Variants in CNTNAP2 observed in about 807,000 individuals in gnomAD.
CNTNAP2 encodes the protein contactin-associated protein-like 2.
In CNTNAP2, 98 loss-of-function variants were observed where a neutral mutation model predicts 155.2. That is an observed-to-expected ratio of 0.63 (90% CI 0.54 to 0.75). The LOEUF is 0.75. CNTNAP2 is among the 30% of genes least tolerant of loss of function. The pLI, the probability that CNTNAP2 is intolerant of heterozygous loss-of-function variation, is 0.00. For synonymous variants in CNTNAP2, 651 were observed against 631.2 expected, an observed-to-expected ratio of 1.03 and a Z score of -0.47; for missense variants, 1,727 against 1,688.1, an observed-to-expected ratio of 1.02 and a Z score of -0.40.
chr7:146,499,346 G>A (rs1278787567), intron 1 of CNTNAP2, among the ~76,000 whole-genome samples: 1 of 151,972 alleles, frequency 6.6e-6, no homozygotes, highest in African/African-American at 2.4e-5. Context: ...ACACCTGGCT[G>A]ATTTTTGTAT....
intron 13 of CNTNAP2, among the ~76,000 whole-genome samples, chr7:147,758,778 G>A (rs997646778): frequency 5.1e-4 from 77 of 152,286 alleles, no homozygotes; most frequent in African/African-American, 1.8e-3. Context: ...CCAGGAGGCA[G>A]AGATTGCAGT....
At chr7:147,565,498 A>G (rs10270024) in intron 12 of CNTNAP2, among the ~76,000 whole-genome samples, 109,034 of 152,086 alleles carry the variant, frequency 0.72, 39,505 homozygotes, top group African/African-American at 0.81. Context: ...ACAGCATGAA[A>G]ACATTGGGAC....
chr7:147,102,107 A>G (rs1800668841), intron 4 of CNTNAP2, among the ~76,000 whole-genome samples: 1 of 152,154 alleles, frequency 6.6e-6, no homozygotes, highest in Non-Finnish European at 1.5e-5. Flanking sequence ...GATAGTACAT[A>G]TAAAAGTAAA....
chr7:146,777,154 G>C lies in CNTNAP2; in HGVS notation c.208+2773G>C, dbSNP rs141985848. ...ATATACTGGATTGTCATACATTAGG[G>C]TGAAATTATCACGTTGGGAAAGAAA... On this transcript the variant is annotated intron_variant, in intron 2 of 23. Transcript: ENST00000361727. Among the ~76,000 whole-genome samples the C allele has an allele frequency of 2.9e-3, 445 of 152,170 alleles. 5 individuals are homozygous for C. Among genetic ancestry groups the C allele is most frequent in the African/African-American group, 9.9e-3 (412 of 41,514 alleles).
intron 2 of CNTNAP2, among the ~76,000 whole-genome samples, chr7:146,828,419 A>G (rs1803448728): frequency 6.6e-6 from 1 of 152,064 alleles, no homozygotes; most frequent in Admixed American, 6.6e-5. Context: ...AACGCAGTCC[A>G]ATCTCTCAAA....
intron 15 of CNTNAP2, among the ~76,000 whole-genome samples, chr7:148,101,446 G>A (rs1234390793): frequency 6.6e-6 from 1 of 151,350 alleles, no homozygotes; most frequent in East Asian, 2.0e-4. Flanking sequence ...CAAGTGGATT[G>A]AAATCTGCAA....
At chr7:146,124,054 C>T (rs1797601062) in intron 1 of CNTNAP2, among the ~76,000 whole-genome samples, 1 of 152,038 alleles carries the variant, frequency 6.6e-6, no homozygotes, top group Non-Finnish European at 1.5e-5. Context: ...ATAATGAGAA[C>T]ACCTCAGCAC....
intron 8 of CNTNAP2, among the ~76,000 whole-genome samples, chr7:147,245,651 G>T (rs540388875): frequency 6.7e-6 from 1 of 149,354 alleles, no homozygotes; most frequent in Non-Finnish European, 1.5e-5. Flanking sequence ...GGCCAACCTG[G>T]TTGAAACCCC....
chr7:147,509,716 AG>A (rs1419188606), intron 11 of CNTNAP2, among the ~76,000 whole-genome samples: 4 of 151,956 alleles, frequency 2.6e-5, no homozygotes, highest in Admixed American at 6.6e-5. Context: ...GGGACAGAAA[AG>A]CTCTCTTCTG....
intron 2 of CNTNAP2, among the ~76,000 whole-genome samples, chr7:146,810,144 A>G (rs981276320): frequency 2.6e-5 from 4 of 152,290 alleles, no homozygotes; most frequent in Middle Eastern, 3.4e-3. Context: ...ATTATCAAAG[A>G]GTAGTTGATC....
intron 3 of CNTNAP2, among the ~76,000 whole-genome samples, chr7:146,933,885 A>T (rs997681393): frequency 2.6e-5 from 4 of 151,864 alleles, no homozygotes; most frequent in South Asian, 2.1e-4. Context: ...TCAAAACCAC[A>T]ATGAGATACC....
At chr7:147,376,046 T>C (rs1022842588) in intron 9 of CNTNAP2, among the ~76,000 whole-genome samples, 2 of 152,072 alleles carry the variant, frequency 1.3e-5, no homozygotes, top group Non-Finnish European at 2.9e-5. Flanking sequence ...GGAAGAAGTA[T>C]GATAATGTGT....
At chr7:146,228,982 A>G (rs1021647895) in intron 1 of CNTNAP2, among the ~76,000 whole-genome samples, 8 of 152,202 alleles carry the variant, frequency 5.3e-5, no homozygotes, top group Non-Finnish European at 1.2e-4. Context: ...CACATGCATC[A>G]GTACAATCAA....
Position 148,147,659 on chromosome 7 carries a change from C to A in CNTNAP2, c.2723C>A (p.Ala908Asp). 1.2e-6 allele frequency: 2 copies of A among 1,614,032 alleles called. No individual in the cohort carries two copies. The highest frequency in any genetic ancestry group is 1.7e-6 in the Non-Finnish European group (2 of 1,180,018). The part of the protein sequence containing the change: ...VDRLPQQIRK[A>D]PTEGHTRLEL... The stretch of plus-strand genomic sequence containing the variant: ...CGGCTACCGCAGCAGATCCGCAAGG[C>A]CCCAACAGAAGGCCACACCCGCCTG... The change falls in exon 17 of 24, where the codon GCC becomes GAC. Residue 908 changes from alanine (A) to aspartate (D), a missense_variant. Transcript: ENST00000361727.
intron 1 of CNTNAP2, among the ~76,000 whole-genome samples, chr7:146,132,875 A>C (rs372255661): frequency 2.7e-5 from 4 of 148,844 alleles, no homozygotes; most frequent in African/African-American, 5.0e-5. Flanking sequence ...ATAAACATAC[A>C]TGTGCATGTG....
At position 146,116,851 on chromosome 7, in the gene CNTNAP2, G is replaced by A; in HGVS notation, c.-26G>A. ...ACTGCATCTCCGCAGCGAGCTCTTG[G>A]AGCGCCGCCGGCCGGGAGGCGAAGG... On this transcript the variant is annotated 5_prime_UTR_variant, in exon 1 of 24. Coordinates refer to ENST00000361727, the MANE Select transcript of CNTNAP2 (RefSeq NM_014141.6). The surrounding 1 kb of genome is among the most constrained non-coding windows in gnomAD (Gnocchi z 5.5). 1 of 1,531,698 alleles carries A rather than the reference G, an allele frequency of 6.5e-7. No homozygotes were observed. Among genetic ancestry groups the A allele is most frequent in the Non-Finnish European group, 8.8e-7 (1 of 1,135,286 alleles). 94.9% of individuals were successfully genotyped at this position (1,531,698 alleles called of 1,614,324 possible).
intron 11 of CNTNAP2, among the ~76,000 whole-genome samples, chr7:147,546,174 C>T (rs1346385640): frequency 6.6e-6 from 1 of 152,050 alleles, no homozygotes. Flanking sequence ...ATGATCAGAC[C>T]CAGAATCATG....
Position 146,312,541 on chromosome 7 carries a change from T to A in CNTNAP2, c.97+195568T>A, listed in dbSNP as rs185094826. ...AAAGTTTCAGTCAAGTGAATTAACA[T>A]GCCCTTCACCTCACCAATTTATCAC... On this transcript the variant is annotated intron_variant, in intron 1 of 23. Transcript: ENST00000361727. 1.1e-4 allele frequency among the ~76,000 whole-genome samples: 17 copies of A among 152,350 alleles called. No homozygotes were observed. The East Asian group carries it at 3.3e-3, about 29-fold the overall frequency.
intron 1 of CNTNAP2, among the ~76,000 whole-genome samples, chr7:146,459,253 A>G (rs911544992): frequency 2.0e-5 from 3 of 152,146 alleles, no homozygotes; most frequent in Non-Finnish European, 4.4e-5. Flanking sequence ...TGGTTTTCCA[A>G]GAAGGAGAAA....
Sources: gnomAD v4.1 joint callset for allele counts (sites outside exome capture counted in the v4.1 genomes callset) on GRCh38, gnomAD v4.1.1 for gene constraint, Gnocchi (gnomAD v3.1) non-coding constraint, MANE v1.5 for transcripts, NCBI Gene and HGNC (gene_info 2026-07-23, HGNC 2026-07-21) for gene names.